The following TRMT1L variants were observed in gnomAD, a reference collection of about 807,000 sequenced individuals.
TRMT1L encodes tRNA (guanine(27)-N(2))-dimethyltransferase.
In TRMT1L, 28 loss-of-function variants were observed where a neutral mutation model predicts 81.6. That is an observed-to-expected ratio of 0.34 (90% confidence interval 0.25 to 0.47). The LOEUF is 0.47. TRMT1L is among the 20% of genes least tolerant of loss of function. The pLI, the probability that TRMT1L is intolerant of heterozygous loss-of-function variation, is 1.00. For synonymous variants in TRMT1L, 301 were observed against 303.2 expected, an observed-to-expected ratio of 0.99 and a Z score of 0.07; for missense variants, 739 against 877.1, an observed-to-expected ratio of 0.84 and a Z score of 1.99.
chr1:185,143,779 G>A, intron 6 of TRMT1L, 127 bp downstream of exon 6: 1 of 837,414 alleles, frequency 1.2e-6, no homozygotes, highest in Non-Finnish European at 1.7e-6. Flanking sequence ...TGAGAAAAAT[G>A]TTAAAACAGA....
Position 185,156,631 on chromosome 1 carries a change from C to A in TRMT1L, c.82G>T (p.Ala28Ser). ...GCTGGGACCCCAGCCGAGTCCCGGG[C>A]CGGGGTCGGGACCTGGACCTGGGCC... is the stretch of plus-strand genomic sequence containing the variant. The part of the protein sequence containing the change: ...EVAQVQVPTP[A>S]RDSAGVPAPA... The change falls in exon 1 of 15, where the codon GCC (alanine) becomes TCC (serine). Residue 28 changes from alanine to serine, a missense_variant. Coordinates refer to ENST00000367506, the MANE Select transcript of TRMT1L (RefSeq NM_030934.5). 6.2e-7 allele frequency: 1 copy of A among 1,604,770 alleles called. No homozygotes were observed. The highest frequency in any genetic ancestry group is 8.5e-7 in the Non-Finnish European group (1 of 1,175,782).
chr1:185,156,750 G>A lies in TRMT1L; in HGVS notation c.-38C>T, dbSNP rs1388814183. 6.2e-7 allele frequency: 1 copy of A among 1,610,694 alleles called. No homozygotes were observed. Among genetic ancestry groups the A allele is most frequent in the African/African-American group, 1.3e-5 (1 of 74,946 alleles). ...CGTGCCAAGCCCGCCCGGGGACCCG[G>A]AGCGGGGCTCACGGCGGGGTCAGAG... On this transcript the variant is annotated 5_prime_UTR_variant, in exon 1 of 15. Coordinates refer to ENST00000367506, the MANE Select transcript of TRMT1L (RefSeq NM_030934.5).
At chr1:185,121,694 C>CA (rs1447416518) in intron 13 of TRMT1L, among the ~76,000 whole-genome samples, 1 of 151,194 alleles carries the variant, frequency 6.6e-6, no homozygotes. Flanking sequence ...GCATCTGAGG[C>CA]AAAAAATCTG....
chr1:185,137,581 A>AACATAATAT, intron 10 of TRMT1L, 25 bp downstream of exon 10: 1 of 1,601,000 alleles, frequency 6.2e-7, no homozygotes, highest in Non-Finnish European at 8.5e-7. Flanking sequence ...ATTATAGATA[A>AACATAATAT]ACATAATATA....
chr1:185,143,418 T>G lies in TRMT1L; in HGVS notation c.798A>C (p.Thr266=). 6.2e-7 allele frequency: 1 copy of G among 1,610,726 alleles called. No homozygotes were observed. Among genetic ancestry groups the G allele is most frequent in the Non-Finnish European group, 8.5e-7 (1 of 1,178,194 alleles). ...TTCGTTCCTCAGCCAAAGCAGCCAA[T>G]GTACAGAATATTAGCTGCCTAGAAG... ...MKLNRQLIFC[T]LAALAEERKP... is the part of the protein sequence containing the mutation. Residue 266 remains threonine (T), a synonymous_variant, in exon 7 of 15, where the codon ACA becomes ACC. Coordinates refer to ENST00000367506, the MANE Select transcript of TRMT1L (RefSeq NM_030934.5).
At chr1:185,125,952 G>A (rs577463463) in intron 11 of TRMT1L, among the ~76,000 whole-genome samples, 22 of 152,322 alleles carry the variant, frequency 1.4e-4, no homozygotes, top group African/African-American at 5.3e-4. Flanking sequence ...AGAATTATAT[G>A]TGGTGATGGT....
chr1:185,140,927 G>A (rs1398062064), intron 7 of TRMT1L, among the ~76,000 whole-genome samples: 4 of 146,502 alleles, frequency 2.7e-5, no homozygotes, highest in Non-Finnish European at 4.5e-5. Context: ...GAAGTGAGTC[G>A]AGATGGTGCC....
intron 7 of TRMT1L, among the ~76,000 whole-genome samples, chr1:185,141,148 C>T (rs547557627): frequency 2.0e-5 from 3 of 152,124 alleles, no homozygotes; most frequent in Admixed American, 6.5e-5. Flanking sequence ...ATTAGTAAAC[C>T]CCTTATGTAC....
intron 10 of TRMT1L, among the ~76,000 whole-genome samples, chr1:185,130,162 A>AT (rs1652732908): frequency 1.3e-5 from 2 of 152,362 alleles, no homozygotes; most frequent in African/African-American, 4.8e-5. Flanking sequence ...AAGGCTATCA[A>AT]TTCAAGTTAC....
chr1:185,134,915 G>C (rs1481315883), intron 10 of TRMT1L, among the ~76,000 whole-genome samples: 1 of 152,130 alleles, frequency 6.6e-6, no homozygotes, highest in Non-Finnish European at 1.5e-5. Flanking sequence ...TATATGTAGA[G>C]ATTAATCTGG....
chr1:185,136,743 T>C (rs1375685544), intron 10 of TRMT1L, among the ~76,000 whole-genome samples: 1 of 152,148 alleles, frequency 6.6e-6, no homozygotes, highest in African/African-American at 2.4e-5. Flanking sequence ...CAAAACAGTA[T>C]GATAGACGTG....
At chr1:185,139,141 T>G (rs1336725872) in intron 9 of TRMT1L, among the ~76,000 whole-genome samples, 2 of 152,248 alleles carry the variant, frequency 1.3e-5, no homozygotes, top group Non-Finnish European at 2.9e-5. Flanking sequence ...TTTCTTATAC[T>G]TTATTTCAGT....
At chr1:185,144,097 A>C (rs1653122612) in intron 5 of TRMT1L, 68 bp from the exon 6 acceptor site, 1 of 1,416,450 alleles carries the variant, frequency 7.1e-7, no homozygotes, top group Non-Finnish European at 9.6e-7. Context: ...ATTTCCAAGA[A>C]AACACAAAAT....
intron 3 of TRMT1L, among the ~76,000 whole-genome samples, chr1:185,147,656 A>C (rs1653225266): frequency 6.6e-6 from 1 of 152,090 alleles, no homozygotes; most frequent in African/African-American, 2.4e-5. Flanking sequence ...ACATGGTACT[A>C]TCTTGGTTTT....
chr1:185,144,020 G>A lies in TRMT1L; in HGVS notation c.665C>T (p.Ala222Val), dbSNP rs114355007. 6.5e-3 allele frequency: 10,399 copies of A among 1,594,380 alleles called. 52 individuals are homozygous for A. Among genetic ancestry groups the A allele is most frequent in the Non-Finnish European group, 8.1e-3 (9,473 of 1,170,026 alleles). ...TTTCAAAATTTCCTTAGGTGGTTTA[G>A]CAGTGGAAGCTAAGATGGAAAAAAG... ...TKSSYIAASTAKPPKEILKEA... is the reference protein window; with the variant it reads ...TKSSYIAASTVKPPKEILKEA... The change falls in exon 6 of 15, where the codon GCT (alanine) becomes GTT (valine). Residue 222 changes from alanine to valine, a missense_variant. Transcript: ENST00000367506.
rs1228383067 is a variant in TRMT1L at position 185,156,575 on chromosome 1, A to C, written c.138T>G (p.Ala46=). 1.9e-6 allele frequency: 3 copies of C among 1,598,660 alleles called. No homozygotes were observed. Among genetic ancestry groups the C allele is most frequent in the Admixed American group, 1.8e-5 (1 of 56,822 alleles). Residue 46 remains alanine, a synonymous_variant, in exon 1 of 15, where the codon GCT becomes GCG. Coordinates refer to ENST00000367506, the MANE Select transcript of TRMT1L (RefSeq NM_030934.5). ...APAPDSALDS[A]PTPASAPAPA... ...GGGCTGGAGCCGAGGCCGGAGTCGG[A>C]GCCGAGTCCAGAGCCGAATCCGGGG...
At chr1:185,138,567 C>T (rs965274749) in intron 9 of TRMT1L, among the ~76,000 whole-genome samples, 2 of 152,058 alleles carry the variant, frequency 1.3e-5, no homozygotes, top group South Asian at 2.1e-4. Context: ...TCACAATATC[C>T]GTTTATATTA....
rs747073904 is a variant in TRMT1L, at chr1:185,147,206, C to T, written c.501G>A (p.Val167=). 3 of 1,610,330 alleles carry T rather than the reference C, an allele frequency of 1.9e-6. No homozygotes were observed. Among genetic ancestry groups the T allele is most frequent in the African/African-American group, 2.7e-5 (2 of 74,916 alleles). ...CCTGTTCTCCAATAATGTTTGGTTT[C>T]ACTGGTCGACAAGGTAAGTGACAGA... The part of the protein sequence containing the change: ...MCICHLPCRP[V]KPNIIGEQIT... The change falls in exon 4 of 15, where the codon GTG becomes GTA. Residue 167 remains valine, a synonymous_variant. Transcript: ENST00000367506.
In TRMT1L at chr1:185,124,969, A is replaced by G; in HGVS notation, c.1734T>C (p.His578=). The G allele has an allele frequency of 6.2e-7, 1 of 1,611,630 alleles. No individual in the cohort carries two copies. The highest frequency in any genetic ancestry group is 8.5e-7 in the Non-Finnish European group (1 of 1,178,590). The change falls in exon 12 of 15, where the codon CAT becomes CAC. Residue 578 remains histidine, a synonymous_variant. Transcript: ENST00000367506. ...ECTPQSQFSI[H]ASSNVNKQEE... is the part of the protein sequence containing the mutation. ...CTTGCTTGTTGACATTTGAAGATGC[A>G]TGAATTGAAAACTGACTTTGAGGCG...
Sources: allele counts gnomAD v4.1 joint callset (sites outside exome capture counted in the v4.1 genomes callset), GRCh38; gene constraint gnomAD v4.1.1; transcripts MANE v1.5; gene names NCBI Gene and HGNC (gene_info 2026-07-23, HGNC 2026-07-21).